RBMS3: variants seen among roughly 807,000 people sequenced by gnomAD.
RBMS3 encodes RNA binding motif single stranded interacting protein 3.
Under a neutral mutation model 66.8 loss-of-function variants are expected in RBMS3, and 27 were observed. The ratio of observed to expected loss-of-function variants is 0.40; its 90% confidence interval spans 0.30 to 0.56. The LOEUF is 0.56. Ranked by LOEUF, RBMS3 falls within the 20% of genes least tolerant of loss-of-function variation. RBMS3 has a pLI of 0.40. For missense variants in RBMS3, 513 were observed against 549.5 expected, an observed-to-expected ratio of 0.93 and a Z score of 0.66; for synonymous variants, 188 against 183.0, an observed-to-expected ratio of 1.03 and a Z score of -0.22.
At chr3:29,442,031 C>T (rs1214791171) in intron 2 of RBMS3, among the ~76,000 whole-genome samples, 1 of 152,100 alleles carries the variant, frequency 6.6e-6, no homozygotes, top group Non-Finnish European at 1.5e-5. Flanking sequence ...CTGGAATATG[C>T]CTCTAGAAGT....
chr3:29,574,442 G>C (rs1470490939), intron 3 of RBMS3, among the ~76,000 whole-genome samples: 1 of 151,522 alleles, frequency 6.6e-6, no homozygotes, highest in Non-Finnish European at 1.5e-5. Flanking sequence ...TTTATTTTCA[G>C]TCTGTGGGTC....
chr3:29,690,610 C>T, intron 4 of RBMS3, among the ~76,000 whole-genome samples: 1 of 152,272 alleles, frequency 6.6e-6, no homozygotes, highest in Admixed American at 6.5e-5. Context: ...AATTGAATCT[C>T]TACATTCATG....
intron 7 of RBMS3, among the ~76,000 whole-genome samples, chr3:29,871,991 G>A (rs2059502955): frequency 6.7e-6 from 1 of 149,332 alleles, no homozygotes; most frequent in African/African-American, 2.4e-5. Flanking sequence ...ATATGCTAGT[G>A]GCCATGTTCT....
At chr3:29,722,793 C>G (rs1307908322) in intron 4 of RBMS3, among the ~76,000 whole-genome samples, 1 of 151,950 alleles carries the variant, frequency 6.6e-6, no homozygotes, top group Non-Finnish European at 1.5e-5. Context: ...CTGTGATGTC[C>G]TTCTCAGTGT....
intron 4 of RBMS3, among the ~76,000 whole-genome samples, chr3:29,727,382 A>G (rs1218556517): frequency 6.6e-6 from 1 of 152,230 alleles, no homozygotes; most frequent in Non-Finnish European, 1.5e-5. Context: ...AAATCAAACT[A>G]AAGAGCTTCT....
intron 7 of RBMS3, among the ~76,000 whole-genome samples, chr3:29,877,127 T>G (rs1037756749): frequency 6.6e-6 from 1 of 152,202 alleles, no homozygotes; most frequent in African/African-American, 2.4e-5. Flanking sequence ...TAGTTAAACT[T>G]GATGATATGT....
intron 1 of RBMS3, among the ~76,000 whole-genome samples, chr3:29,346,100 C>A (rs1440654691): frequency 6.6e-6 from 1 of 152,166 alleles, no homozygotes; most frequent in Non-Finnish European, 1.5e-5. Flanking sequence ...GTTCAAGAAA[C>A]AAAGGGAATA....
At chr3:29,324,272 G>A (rs1575544678) in intron 1 of RBMS3, among the ~76,000 whole-genome samples, 1 of 152,124 alleles carries the variant, frequency 6.6e-6, no homozygotes, top group Non-Finnish European at 1.5e-5. Context: ...ATTCTGGTCT[G>A]GTCTAGGTTC....
intron 3 of RBMS3, among the ~76,000 whole-genome samples, chr3:29,497,389 C>A (rs772691742): frequency 6.6e-5 from 10 of 152,158 alleles, no homozygotes; most frequent in Non-Finnish European, 1.2e-4. Flanking sequence ...TACTTTCACC[C>A]GTAAACCGAA....
At chr3:29,408,236 C>A (rs2040111342) in intron 1 of RBMS3, among the ~76,000 whole-genome samples, 1 of 138,274 alleles carries the variant, frequency 7.2e-6, no homozygotes, top group African/African-American at 2.7e-5. Context: ...TGCGCCACTG[C>A]ACTCCAGCCT....
chr3:29,339,876 A>G (rs1361752401), intron 1 of RBMS3, among the ~76,000 whole-genome samples: 1 of 152,102 alleles, frequency 6.6e-6, no homozygotes, highest in Non-Finnish European at 1.5e-5. Context: ...TTGTCTGACT[A>G]TGCATCAGTG....
chr3:29,289,779 C>A (rs1033878865), intron 1 of RBMS3, among the ~76,000 whole-genome samples: 1 of 151,700 alleles, frequency 6.6e-6, no homozygotes, highest in Non-Finnish European at 1.5e-5. Context: ...TAGGAGCTGA[C>A]ATTTAAATTT....
chr3:29,885,369 T>C (rs532403742), intron 8 of RBMS3, among the ~76,000 whole-genome samples: 1 of 151,956 alleles, frequency 6.6e-6, no homozygotes, highest in South Asian at 2.1e-4. Context: ...CCAACAAAAT[T>C]CTATAAACTG....
At chr3:29,596,195 G>A (rs2047936921) in intron 4 of RBMS3, among the ~76,000 whole-genome samples, 1 of 152,080 alleles carries the variant, frequency 6.6e-6, no homozygotes, top group South Asian at 2.1e-4. Flanking sequence ...ATTGCTTTCT[G>A]CATTTTATTT....
intron 10 of RBMS3, among the ~76,000 whole-genome samples, chr3:29,902,242 A>G (rs2060272402): frequency 6.6e-6 from 1 of 151,922 alleles, no homozygotes; most frequent in African/African-American, 2.4e-5. Flanking sequence ...ATTAAATGAA[A>G]TAAGGCATTA....
At chr3:29,528,398 C>A (rs543994117) in intron 3 of RBMS3, among the ~76,000 whole-genome samples, 13 of 151,940 alleles carry the variant, frequency 8.6e-5, no homozygotes, top group African/African-American at 3.1e-4. Flanking sequence ...CAGGCTTGAG[C>A]CACTATGCCT....
At chr3:29,709,476 G>A (rs1177267370) in intron 4 of RBMS3, among the ~76,000 whole-genome samples, 2 of 152,170 alleles carry the variant, frequency 1.3e-5, no homozygotes, top group Admixed American at 6.5e-5. Flanking sequence ...TGAGAAATAT[G>A]TTGGCTTTAG....
Position 29,856,268 on chromosome 3 carries a change from A to G in RBMS3, c.638-12590A>G, listed in dbSNP as rs974233153. ...TGAATGTATTAAAAATTAATTAATA[A>G]TAAGTTATTTTATGGGAATTTGGTG... On this transcript the variant is annotated intron_variant, in intron 6 of 14. Coordinates refer to ENST00000383767, the MANE Select transcript of RBMS3 (RefSeq NM_001003793.3). 7.9e-5 allele frequency among the ~76,000 whole-genome samples: 12 copies of G among 152,190 alleles called. No individual in the cohort carries two copies. In the South Asian group the frequency reaches 2.5e-3, roughly 31 times the overall value.
intron 12 of RBMS3, among the ~76,000 whole-genome samples, chr3:29,954,837 C>T (rs569545673): frequency 1.3e-5 from 2 of 152,028 alleles, no homozygotes; most frequent in East Asian, 3.9e-4. Context: ...CCTATTCATC[C>T]TTCACACACA....
Sources: allele counts gnomAD v4.1 joint callset (sites outside exome capture counted in the v4.1 genomes callset), GRCh38; gene constraint gnomAD v4.1.1; transcripts MANE v1.5; gene names NCBI Gene and HGNC (gene_info 2026-07-23, HGNC 2026-07-21).